DIAPH2: variants seen among roughly 807,000 people sequenced by gnomAD.
DIAPH2 encodes diaphanous related formin 2, also known as protein diaphanous homolog 2.
In DIAPH2, 35 loss-of-function variants were observed where a neutral mutation model predicts 92.7. That is an observed-to-expected ratio of 0.38 (90% CI 0.29 to 0.50). The LOEUF is 0.50. Among genes scored for constraint, DIAPH2 ranks in the 20% least tolerant of loss-of-function variants. The pLI is 0.94. For synonymous variants in DIAPH2, 301 were observed against 280.4 expected, an observed-to-expected ratio of 1.07 and a Z score of -0.73; for missense variants, 701 against 819.5, an observed-to-expected ratio of 0.86 and a Z score of 1.77.
intron 18 of DIAPH2, 30 bp from the exon 19 acceptor site, chrX:97,075,137 T>A: frequency 2.0e-6 from 2 of 991,476 alleles, no homozygotes; most frequent in Non-Finnish European, 2.8e-6. Flanking sequence ...GATGCTGTTA[T>A]ACTTTTAATA....
intron 22 of DIAPH2, among the ~76,000 whole-genome samples, chrX:97,205,986 G>A (rs2067792916): frequency 9.0e-6 from 1 of 111,550 alleles, no homozygotes; most frequent in Non-Finnish European, 1.9e-5. Flanking sequence ...AAAAAAGAAT[G>A]AGATCATGTC....
At chrX:97,251,242 A>G (rs1351374088) in intron 23 of DIAPH2, among the ~76,000 whole-genome samples, 3 of 112,050 alleles carry the variant, frequency 2.7e-5, no homozygotes, top group Non-Finnish European at 5.6e-5. Flanking sequence ...ATAAATGAAG[A>G]CTCAAAGAAA....
At chrX:96,793,464 C>T (rs1049520603) in intron 4 of DIAPH2, among the ~76,000 whole-genome samples, 7 of 112,877 alleles carry the variant, frequency 6.2e-5, no homozygotes, top group Admixed American at 2.8e-4. Flanking sequence ...TGACCGTGCC[C>T]GGCCCCCTTC....
At chrX:97,587,445 C>A (rs1324866936) in intron 26 of DIAPH2, among the ~76,000 whole-genome samples, 2 of 111,759 alleles carry the variant, frequency 1.8e-5, no homozygotes, top group Non-Finnish European at 3.8e-5. Context: ...TCTATACCCA[C>A]TGGATGACAA....
intron 22 of DIAPH2, among the ~76,000 whole-genome samples, chrX:97,144,607 A>G (rs1451460054): frequency 1.9e-5 from 1 of 52,693 alleles, no homozygotes; most frequent in Non-Finnish European, 3.7e-5. Flanking sequence ...ATATTTATAT[A>G]TGTGTATATA....
chrX:96,774,901 G>A (rs1008538454), intron 4 of DIAPH2, among the ~76,000 whole-genome samples: 2 of 111,949 alleles, frequency 1.8e-5, no homozygotes, highest in African/African-American at 3.2e-5. Flanking sequence ...ATTAAACATC[G>A]TTTTGTTCAA....
intron 26 of DIAPH2, among the ~76,000 whole-genome samples, chrX:97,563,908 T>C (rs1204629924): frequency 2.7e-5 from 3 of 111,304 alleles, no homozygotes; most frequent in African/African-American, 6.5e-5. Context: ...AGGAAAGAGA[T>C]TGGCATCCTA....
At chrX:97,476,944 CAAAAA>C (rs958991841) in intron 26 of DIAPH2, among the ~76,000 whole-genome samples, 9 of 13,384 alleles carry the variant, frequency 6.7e-4, no homozygotes, top group African/African-American at 4.0e-3. Flanking sequence ...AACTCTGTCT[CAAAAA>C]AAAAAAAAAA....
chrX:97,027,260 T>C (rs1306820620), intron 17 of DIAPH2, among the ~76,000 whole-genome samples: 1 of 112,431 alleles, frequency 8.9e-6, no homozygotes, highest in East Asian at 2.8e-4. Flanking sequence ...CATATTTTTA[T>C]AAGCTGAATA....
intron 26 of DIAPH2, among the ~76,000 whole-genome samples, chrX:97,507,141 C>CAAAAAAAAAAAAAAAA (rs397896097): frequency 1.2e-3 from 36 of 31,118 alleles, no homozygotes; most frequent in Non-Finnish European, 1.6e-3. Context: ...ACAAAACCGA[C>CAAAAAAAAAAAAAAAA]AAAAAAAAAA....
At chrX:97,077,358 G>A (rs757457732) in intron 19 of DIAPH2, among the ~76,000 whole-genome samples, 1 of 112,285 alleles carries the variant, frequency 8.9e-6, no homozygotes, top group Non-Finnish European at 1.9e-5. Flanking sequence ...ATTCATTTGA[G>A]CTGTTTACCA....
At chrX:96,847,691 G>A (rs749366773) in intron 4 of DIAPH2, among the ~76,000 whole-genome samples, 1 of 110,182 alleles carries the variant, frequency 9.1e-6, no homozygotes, top group African/African-American at 3.3e-5. Flanking sequence ...TAGGTAAATT[G>A]CATGTTGAGG....
intron 22 of DIAPH2, among the ~76,000 whole-genome samples, chrX:97,186,784 G>T (rs373603735): frequency 1.8e-5 from 2 of 111,788 alleles, no homozygotes; most frequent in South Asian, 3.8e-4. Flanking sequence ...AGCCTACAGG[G>T]CCTAGCCCAT....
chrX:97,167,360 A>G (rs1013728912), intron 22 of DIAPH2, among the ~76,000 whole-genome samples: 2 of 112,065 alleles, frequency 1.8e-5, no homozygotes, highest in African/African-American at 6.5e-5. Flanking sequence ...TTAAAGCATC[A>G]GAATATATAA....
intron 26 of DIAPH2, among the ~76,000 whole-genome samples, chrX:97,495,195 A>G (rs1026747786): frequency 8.9e-6 from 1 of 112,038 alleles, no homozygotes; most frequent in Non-Finnish European, 1.9e-5. Context: ...TCATTTCAGT[A>G]GAGTTTTTTC....
chrX:97,570,111 TATATATATATATTAGA>T (rs1569426194), intron 26 of DIAPH2, among the ~76,000 whole-genome samples: 20 of 32,457 alleles, frequency 6.2e-4, no homozygotes, highest in Admixed American at 1.0e-3. Flanking sequence ...TATATATATA[TATATATATATATTAGA>T]AGATAGATAG....
chrX:97,542,878 TACTC>T (rs1201027843), intron 26 of DIAPH2, among the ~76,000 whole-genome samples: 1 of 111,432 alleles, frequency 9.0e-6, no homozygotes, highest in East Asian at 2.8e-4. Flanking sequence ...ACCCAAGAAA[TACTC>T]AATAAATAGG....
At chrX:97,288,378 A>G (rs1237111946) in intron 23 of DIAPH2, among the ~76,000 whole-genome samples, 1 of 111,144 alleles carries the variant, frequency 9.0e-6, no homozygotes, top group Non-Finnish European at 1.9e-5. Context: ...AATTTAAATG[A>G]TGAACTGTGG....
rs572403604 is a variant in DIAPH2, at chrX:97,370,446, T to G, written c.3010-13463T>G. Among the ~76,000 whole-genome samples, 90 of 112,140 alleles carry G rather than the reference T, an allele frequency of 8.0e-4. 1 individual carries two copies. The South Asian group carries it at 0.022, about 28-fold the overall frequency. ...ATACATAAATTCACTGGAAAAAGATTCTTGATTTTTAGTGGAACAGTACAG... is the reference window on the plus strand; with the variant it reads ...ATACATAAATTCACTGGAAAAAGATGCTTGATTTTTAGTGGAACAGTACAG... On this transcript the variant is annotated intron_variant, in intron 24 of 26. Transcript: ENST00000324765.
Sources: allele counts gnomAD v4.1 joint callset (sites outside exome capture counted in the v4.1 genomes callset), GRCh38; gene constraint gnomAD v4.1.1; transcripts MANE v1.5; gene names NCBI Gene and HGNC (gene_info 2026-07-23, HGNC 2026-07-21).